NXPE2: variants seen among roughly 807,000 people sequenced by gnomAD.
The protein encoded by NXPE2 is NXPE family member 2.
A neutral mutation model predicts 34.4 loss-of-function variants in NXPE2; 34 were observed. The observed-to-expected ratio is 0.99, with a 90% CI of 0.75 to 1.31. NXPE2 has a LOEUF of 1.31. Ranked by LOEUF, NXPE2 falls within the 40% of genes most tolerant of loss-of-function variation. NXPE2 has a pLI of 0.00. For missense variants in NXPE2, 649 were observed against 672.5 expected (o/e 0.97, Z 0.39); for synonymous variants, 235 against 231.3 (o/e 1.02, Z -0.15).
the NXPE2 span, among the ~76,000 whole-genome samples, chr11:114,771,575 G>T: frequency 1.3e-5 from 2 of 152,068 alleles, no homozygotes; most frequent in African/African-American, 4.8e-5. Flanking sequence ...TAAAGGGAAG[G>T]ATACTTGGGC....
At chr11:114,797,476 G>A in the NXPE2 span, among the ~76,000 whole-genome samples, 4 of 152,174 alleles carry the variant, frequency 2.6e-5, no homozygotes, top group Admixed American at 1.3e-4. Flanking sequence ...GGTAGCTTCC[G>A]CCAGGTCACG....
the NXPE2 span, chr11:114,582,732 C>T: frequency 2.6e-5 from 42 of 1,614,038 alleles, no homozygotes; most frequent in South Asian, 5.5e-5. Context: ...TTGCTTCCTG[C>T]GTCCCAAGTG....
the NXPE2 span, among the ~76,000 whole-genome samples, chr11:114,525,355 T>C: frequency 6.6e-6 from 1 of 151,778 alleles, no homozygotes; most frequent in African/African-American, 2.4e-5. Flanking sequence ...TTAAAACCTG[T>C]GAATATGTTG....
At chr11:114,799,282 G>A in the NXPE2 span, among the ~76,000 whole-genome samples, 6 of 108,632 alleles carry the variant, frequency 5.5e-5, no homozygotes, top group African/African-American at 1.9e-4. Context: ...AAGATGAGAG[G>A]CAATGAAGCA....
chr11:114,508,177 C>T, the NXPE2 span, among the ~76,000 whole-genome samples: 2 of 152,168 alleles, frequency 1.3e-5, no homozygotes, highest in African/African-American at 2.4e-5. Context: ...CCTACGAATA[C>T]ACCTAACTAG....
At chr11:114,504,069 C>T in the NXPE2 span, among the ~76,000 whole-genome samples, 1 of 152,178 alleles carries the variant, frequency 6.6e-6, no homozygotes. Flanking sequence ...TGCAAGTTTC[C>T]CCCCTATACT....
the NXPE2 span, among the ~76,000 whole-genome samples, chr11:114,758,739 A>G: frequency 1.3e-5 from 2 of 151,104 alleles, no homozygotes; most frequent in Non-Finnish European, 2.9e-5. Flanking sequence ...ATAATCATAT[A>G]GTTTAGTAAA....
chr11:114,722,444 C>T, the NXPE2 span, among the ~76,000 whole-genome samples: 2 of 151,690 alleles, frequency 1.3e-5, no homozygotes, highest in Non-Finnish European at 2.9e-5. Flanking sequence ...ATTACCCAGT[C>T]TCAGGGAAGT....
chr11:114,522,281 G>A, the NXPE2 span: 19 of 1,614,006 alleles, frequency 1.2e-5, no homozygotes, highest in South Asian at 2.1e-4. Flanking sequence ...AATGGGAAAT[G>A]GTCTAAAGTG....
intron 2 of NXPE2, among the ~76,000 whole-genome samples, chr11:114,684,368 A>G (rs941564968): frequency 6.6e-6 from 1 of 151,662 alleles, no homozygotes; most frequent in Non-Finnish European, 1.5e-5. Flanking sequence ...CAGAGCTTGC[A>G]GTGAGCCGAG....
At chr11:114,663,963 C>T in the NXPE2 span, among the ~76,000 whole-genome samples, 1 of 152,108 alleles carries the variant, frequency 6.6e-6, no homozygotes, top group Non-Finnish European at 1.5e-5. Context: ...AAAAATGGTG[C>T]AGACACTTCA....
At chr11:114,613,506 GATA>G in the NXPE2 span, among the ~76,000 whole-genome samples, 1 of 151,858 alleles carries the variant, frequency 6.6e-6, no homozygotes, top group Non-Finnish European at 1.5e-5. Context: ...TTACCCAGTG[GATA>G]ATAAGTATTG....
At chr11:114,561,784 G>A in the NXPE2 span, among the ~76,000 whole-genome samples, 91,037 of 151,926 alleles carry the variant, frequency 0.6, 29,076 homozygotes, top group African/African-American at 0.84. Context: ...CATGTTTGGC[G>A]CTTTTAATGG....
At chr11:114,607,640 G>A in the NXPE2 span, among the ~76,000 whole-genome samples, 47 of 150,594 alleles carry the variant, frequency 3.1e-4, 1 homozygote, top group African/African-American at 1.0e-3. Flanking sequence ...GTGTTGCCTC[G>A]CGGTTAACCA....
the NXPE2 span, among the ~76,000 whole-genome samples, chr11:114,464,740 C>A: frequency 6.6e-6 from 1 of 151,982 alleles, no homozygotes. Context: ...TGAAGAATTT[C>A]TTTTCTCTAA....
the NXPE2 span, among the ~76,000 whole-genome samples, chr11:114,536,470 C>A: frequency 6.6e-6 from 1 of 151,918 alleles, no homozygotes; most frequent in Non-Finnish European, 1.5e-5. Flanking sequence ...AAAAACCCTT[C>A]AAAAAAATCA....
At chr11:114,704,692 G>A (rs569419727) in intron 4 of NXPE2, among the ~76,000 whole-genome samples, 3 of 152,258 alleles carry the variant, frequency 2.0e-5, no homozygotes, top group East Asian at 3.9e-4. Flanking sequence ...GTTTACTGAG[G>A]TCCTACTGTA....
chr11:114,743,532 T>A, the NXPE2 span, among the ~76,000 whole-genome samples: 1 of 152,184 alleles, frequency 6.6e-6, no homozygotes, highest in Admixed American at 6.5e-5. Flanking sequence ...ATCTATTTTA[T>A]GTACAGCTTT....
the NXPE2 span, among the ~76,000 whole-genome samples, chr11:114,798,807 A>T: frequency 1.3e-5 from 2 of 152,040 alleles, no homozygotes; most frequent in African/African-American, 2.4e-5. Flanking sequence ...TTAACATTTC[A>T]TCTAGTCCCT....
Sources: gnomAD v4.1 joint callset for allele counts (sites outside exome capture counted in the v4.1 genomes callset) on GRCh38, gnomAD v4.1.1 for gene constraint, MANE v1.5 for transcripts, NCBI Gene and HGNC (gene_info 2026-07-23, HGNC 2026-07-21) for gene names.